Variants in CHAF1B observed in about 807,000 individuals in gnomAD.
CHAF1B encodes CAF-1 subunit B.
In CHAF1B, 10 loss-of-function variants were observed where a neutral mutation model predicts 60.7. The ratio of observed to expected loss-of-function variants is 0.16; its 90% CI spans 0.10 to 0.28. The LOEUF is 0.28. CHAF1B is among the 10% of genes least tolerant of loss of function. The pLI is 1.00. For synonymous variants in CHAF1B, 261 were observed against 266.1 expected, an observed-to-expected ratio of 0.98 and a Z score of 0.19; for missense variants, 558 against 708.4, an observed-to-expected ratio of 0.79 and a Z score of 2.41.
At chr21:36,391,477 A>C in intron 3 of CHAF1B, 74 bp from the exon 4 acceptor site, 1 of 1,013,894 alleles carries the variant, frequency 9.9e-7, no homozygotes, top group Admixed American at 2.2e-5. Flanking sequence ...AAAAAAAAAA[A>C]AAATGAAAAT....
At chr21:36,414,831 G>A (rs930760795) in intron 12 of CHAF1B, among the ~76,000 whole-genome samples, 5 of 152,060 alleles carry the variant, frequency 3.3e-5, no homozygotes, top group Admixed American at 1.3e-4. Context: ...CAAGCTGGTC[G>A]AAAACTCCTG....
At chr21:36,406,164 T>C (rs1481755123) in intron 8 of CHAF1B, among the ~76,000 whole-genome samples, 1 of 152,220 alleles carries the variant, frequency 6.6e-6, no homozygotes, top group Admixed American at 6.5e-5. Flanking sequence ...GAAAAAAATC[T>C]ATTATTTATT....
At chr21:36,409,565 A>G in intron 10 of CHAF1B, 100 bp downstream of exon 10, 2 of 714,270 alleles carry the variant, frequency 2.8e-6, no homozygotes, top group East Asian at 5.3e-5. Context: ...AAAGGTGGGT[A>G]TCTGGGTTTG....
chr21:36,412,842 T>A, intron 11 of CHAF1B, 42 bp from the exon 12 acceptor site: 1 of 1,563,830 alleles, frequency 6.4e-7, no homozygotes, highest in Non-Finnish European at 8.7e-7. Context: ...GATGTGAGAG[T>A]GTTGGTAAGG....
intron 10 of CHAF1B, among the ~76,000 whole-genome samples, chr21:36,410,592 G>T (rs1294886107): frequency 6.6e-6 from 1 of 151,196 alleles, no homozygotes; most frequent in Non-Finnish European, 1.5e-5. Context: ...CTTTGTTGTG[G>T]TTCTCATCTC....
At chr21:36,403,927 G>A (rs2086213245) in intron 8 of CHAF1B, among the ~76,000 whole-genome samples, 1 of 152,204 alleles carries the variant, frequency 6.6e-6, no homozygotes, top group African/African-American at 2.4e-5. Flanking sequence ...CCTGAGAAGG[G>A]CGTGAATCAC....
chr21:36,392,265 C>T lies in CHAF1B; in HGVS notation c.377+597C>T, dbSNP rs190410609. Among the ~76,000 whole-genome samples, 908 of 152,284 alleles carry T rather than the reference C, an allele frequency of 6.0e-3. 11 individuals are homozygous for T. The highest frequency in any genetic ancestry group is 0.02 in the African/African-American group (837 of 41,540). On this transcript the variant is annotated intron_variant, in intron 4 of 13. Coordinates refer to ENST00000314103, the MANE Select transcript of CHAF1B (RefSeq NM_005441.3). ...GGGTAAGGTTATAGATTAGCAGCAT[C>T]CCAAGGCAGAAGAATTTTTCTTAGT...
chr21:36,395,515 A>G (rs911553811), intron 5 of CHAF1B, among the ~76,000 whole-genome samples: 1 of 152,200 alleles, frequency 6.6e-6, no homozygotes, highest in Non-Finnish European at 1.5e-5. Context: ...CAAATCCCAC[A>G]TGGTGGGGCC....
intron 11 of CHAF1B, 83 bp downstream of exon 11, chr21:36,411,687 C>A: frequency 6.7e-7 from 1 of 1,498,530 alleles, no homozygotes; most frequent in Non-Finnish European, 9.1e-7. Context: ...GGGAGCATTT[C>A]ATTACTAAAG....
Position 36,417,262 on chromosome 21 carries a change from C to T in CHAF1B, c.*896C>T, listed in dbSNP as rs1168439837. 6.6e-6 allele frequency: 1 copy of T among 151,254 alleles called. No homozygotes were observed. The highest frequency in any genetic ancestry group is 1.5e-5 in the Non-Finnish European group (1 of 67,956). The allele number at this position is 151,254 out of a possible 1,614,324, so 9.4% of individuals were successfully genotyped here. A position where few individuals can be genotyped will look rare whatever the true frequency, so the allele number is the denominator to read the frequency against. ...AATTTCACACACACATGCACCCACA[C>T]ACACACATATATATGATACATATAT... is the stretch of plus-strand genomic sequence containing the variant. On this transcript the variant is annotated 3_prime_UTR_variant, in exon 14 of 14. Coordinates refer to ENST00000314103, the MANE Select transcript of CHAF1B (RefSeq NM_005441.3).
intron 7 of CHAF1B, 98 bp from the exon 8 acceptor site, chr21:36,402,660 G>A (rs946004983): frequency 1.1e-6 from 1 of 883,346 alleles, no homozygotes; most frequent in South Asian, 1.6e-5. Context: ...CAGTTGGGAA[G>A]CGTTTATTTG....
intron 11 of CHAF1B, among the ~76,000 whole-genome samples, 174 bp downstream of exon 11, chr21:36,411,778 G>T (rs2086280162): frequency 6.6e-6 from 1 of 152,132 alleles, no homozygotes; most frequent in Non-Finnish European, 1.5e-5. Context: ...ACCCGGGCTG[G>T]AGTGCAGTGG....
intron 8 of CHAF1B, among the ~76,000 whole-genome samples, chr21:36,405,946 C>T (rs2086234868): frequency 6.7e-6 from 1 of 149,312 alleles, no homozygotes; most frequent in Non-Finnish European, 1.5e-5. Flanking sequence ...GAAGAATAGC[C>T]AAAGAAGTAT....
intron 3 of CHAF1B, 26 bp from the exon 4 acceptor site, chr21:36,391,525 A>G: frequency 7.3e-7 from 1 of 1,371,618 alleles, no homozygotes; most frequent in South Asian, 1.2e-5. Context: ...TGAAGCGTGG[A>G]TCACTGTTAC....
chr21:36,394,054 A>C (rs1601558743), intron 4 of CHAF1B, among the ~76,000 whole-genome samples: 1 of 144,764 alleles, frequency 6.9e-6, no homozygotes, highest in Non-Finnish European at 1.5e-5. Context: ...GTGCGCCACC[A>C]CACCTGGCTA....
At chr21:36,407,866 T>A (rs2086249940) in intron 8 of CHAF1B, among the ~76,000 whole-genome samples, 1 of 151,936 alleles carries the variant, frequency 6.6e-6, no homozygotes, top group Non-Finnish European at 1.5e-5. Flanking sequence ...TAATCCCGGC[T>A]ACTCAGGAGG....
At chr21:36,392,946 C>T in intron 4 of CHAF1B, among the ~76,000 whole-genome samples, 1 of 152,204 alleles carries the variant, frequency 6.6e-6, no homozygotes, top group African/African-American at 2.4e-5. Context: ...GAGTGAGACT[C>T]TGTCTGCAAT....
intron 11 of CHAF1B, 25 bp downstream of exon 11, chr21:36,411,629 G>T (rs191957322): frequency 6.2e-7 from 1 of 1,612,768 alleles, no homozygotes; most frequent in Non-Finnish European, 8.5e-7. Flanking sequence ...ATGAGGGAGA[G>T]TGAGTGAAGG....
At chr21:36,392,626 G>A (rs943572764) in intron 4 of CHAF1B, among the ~76,000 whole-genome samples, 6 of 151,728 alleles carry the variant, frequency 4.0e-5, no homozygotes, top group African/African-American at 1.5e-4. Flanking sequence ...CGGCTGCTGG[G>A]CGGAGGGGCT....
Sources: gnomAD v4.1 joint callset for allele counts (sites outside exome capture counted in the v4.1 genomes callset) on GRCh38, gnomAD v4.1.1 for gene constraint, MANE v1.5 for transcripts, NCBI Gene and HGNC (gene_info 2026-07-23, HGNC 2026-07-21) for gene names.